SIAH2: variants seen among roughly 807,000 people sequenced by gnomAD.
SIAH2 encodes the protein E3 ubiquitin-protein ligase SIAH2.
In SIAH2, 4 loss-of-function variants were observed where a neutral mutation model predicts 20.4. The ratio of observed to expected loss-of-function variants is 0.20; its 90% CI spans 0.10 to 0.45. The LOEUF (loss-of-function observed/expected upper bound fraction) is 0.45, where lower values mean the gene tolerates loss of function less well. Among genes scored for constraint, SIAH2 ranks in the 20% least tolerant of loss-of-function variants. The pLI is 0.99. For synonymous variants in SIAH2, 171 were observed against 192.5 expected (o/e 0.89, Z 0.93); for missense variants, 259 against 440.3 (o/e 0.59, Z 3.69).
intron 1 of SIAH2, among the ~76,000 whole-genome samples, chr3:150,745,981 C>G (rs1185907192): frequency 1.3e-5 from 2 of 152,158 alleles, no homozygotes; most frequent in Non-Finnish European, 2.9e-5. Context: ...CAGGTGATTT[C>G]AAGGTGGGAC....
Position 150,762,541 on chromosome 3 carries a change from T to C in SIAH2, c.309A>G (p.Gln103=), listed in dbSNP as rs1714643586. Residue 103 remains glutamine, a synonymous_variant, in exon 1 of 2, where the codon CAA becomes CAG. Transcript: ENST00000312960. The surrounding 1 kb of genome is among the most constrained non-coding windows in gnomAD (Gnocchi z 6.6). ...GGCAGCAGCTCAACTTCTGGCGGCA[T>C]TGGTTACACACCAGGTGCCCGGCCT... ...QCQAGHLVCN[Q]CRQKLSCCPT... 5.0e-6 allele frequency: 8 copies of C among 1,613,444 alleles called. No homozygotes were observed. The highest frequency in any genetic ancestry group is 1.1e-5 in the South Asian group (1 of 91,068).
At chr3:150,749,142 AG>A (rs1714293513) in intron 1 of SIAH2, among the ~76,000 whole-genome samples, 1 of 152,176 alleles carries the variant, frequency 6.6e-6, no homozygotes, top group South Asian at 2.1e-4. Flanking sequence ...ATCTGGATAA[AG>A]GCTATAAGGG....
intron 1 of SIAH2, among the ~76,000 whole-genome samples, chr3:150,746,398 AAAACAAAC>A (rs532802162): frequency 5.9e-5 from 9 of 152,228 alleles, no homozygotes; most frequent in South Asian, 2.1e-4. Context: ...TCTGTCTCAA[AAAACAAAC>A]AAACAAACAA....
chr3:150,756,714 T>C (rs1714492587), intron 1 of SIAH2, among the ~76,000 whole-genome samples: 1 of 152,200 alleles, frequency 6.6e-6, no homozygotes, highest in African/African-American at 2.4e-5. Context: ...AGTACTGCCA[T>C]ATAGTATTCT....
intron 1 of SIAH2, among the ~76,000 whole-genome samples, chr3:150,759,008 G>T (rs1322807397): frequency 1.3e-5 from 2 of 151,942 alleles, no homozygotes; most frequent in Non-Finnish European, 2.9e-5. Flanking sequence ...GCCTCCCAAA[G>T]TGCTGGGATT....
At chr3:150,749,991 G>T (rs1714322083) in intron 1 of SIAH2, among the ~76,000 whole-genome samples, 1 of 152,316 alleles carries the variant, frequency 6.6e-6, no homozygotes, top group Non-Finnish European at 1.5e-5. Context: ...CTTTTGGGAG[G>T]TGAACCTGGA....
intron 1 of SIAH2, among the ~76,000 whole-genome samples, chr3:150,759,380 A>G (rs971471982): frequency 6.6e-6 from 1 of 151,922 alleles, no homozygotes; most frequent in Non-Finnish European, 1.5e-5. Flanking sequence ...CCATCTTCCT[A>G]CCCTACATGC....
chr3:150,751,822 G>A (rs1714375540), intron 1 of SIAH2, among the ~76,000 whole-genome samples: 1 of 152,140 alleles, frequency 6.6e-6, no homozygotes, highest in South Asian at 2.1e-4. Context: ...GCCTCTCGAA[G>A]TGTTGGGATT....
intron 1 of SIAH2, among the ~76,000 whole-genome samples, chr3:150,750,593 T>TA (rs1236015593): frequency 6.6e-6 from 1 of 152,188 alleles, no homozygotes; most frequent in African/African-American, 2.4e-5. Flanking sequence ...AATTTTTTTT[T>TA]TTATTGAAAT....
rs386398232 is a variant in SIAH2 at position 150,755,322 on chromosome 3, CTTTTTTT to C, written c.417+7104_417+7110del. ...AATATTTTTCTTTTTCTTTTCTTCCCTTTTTTTTTTTTTTTTTTTTTTTTTTGAGACA... is the reference window on the plus strand; with the variant it reads ...AATATTTTTCTTTTTCTTTTCTTCCCTTTTTTTTTTTTTTTTTTTGAGACA... On this transcript the variant is annotated intron_variant, in intron 1 of 1. Coordinates refer to ENST00000312960, the MANE Select transcript of SIAH2 (RefSeq NM_005067.7). Among the ~76,000 whole-genome samples, 294 of 80,182 alleles carry C rather than the reference CTTTTTTT, an allele frequency of 3.7e-3. 1 individual carries two copies. Among genetic ancestry groups the C allele is most frequent in the African/African-American group, 0.014 (271 of 19,228 alleles). 52.6% of individuals were successfully genotyped at this position (80,182 alleles called of 152,430 possible).
At chr3:150,755,782 T>C (rs1360330738) in intron 1 of SIAH2, among the ~76,000 whole-genome samples, 1 of 152,008 alleles carries the variant, frequency 6.6e-6, no homozygotes, top group Non-Finnish European at 1.5e-5. Flanking sequence ...CTCCCAAGTG[T>C]TGGGATTACA....
chr3:150,752,960 T>C (rs1351463061), intron 1 of SIAH2, among the ~76,000 whole-genome samples: 1 of 152,208 alleles, frequency 6.6e-6, no homozygotes, highest in African/African-American at 2.4e-5. Flanking sequence ...TGCACGAGCA[T>C]GGGTGCCTAG....
intron 1 of SIAH2, among the ~76,000 whole-genome samples, chr3:150,761,465 A>C (rs886149743): frequency 2.0e-5 from 3 of 152,254 alleles, no homozygotes; most frequent in Admixed American, 2.0e-4. Context: ...ATATGAATTT[A>C]AGAACAGCAA....
Position 150,762,447 on chromosome 3 carries a change from G to T in SIAH2, c.403C>A (p.Leu135Met). The T allele has an allele frequency of 6.2e-7, 1 of 1,612,654 alleles. No homozygotes were observed. The highest frequency in any genetic ancestry group is 2.2e-5 in the East Asian group (1 of 44,796). Residue 135 changes from leucine (L) to methionine (M), a missense_variant, in exon 1 of 2, where the codon CTG becomes ATG. Transcript: ENST00000312960. This position sits in a 1 kb window ranked among gnomAD's most constrained non-coding sequence, Gnocchi z 6.6. ...CCTGGGCTTACCTTACAGGGAAACA[G>T]GACTGCCGAGGCCACCTTCTCCATA... ...LAMEKVASAV[L>M]FPCKYATTGC...
At chr3:150,760,101 G>A (rs1437314187) in intron 1 of SIAH2, among the ~76,000 whole-genome samples, 1 of 152,154 alleles carries the variant, frequency 6.6e-6, no homozygotes, top group Non-Finnish European at 1.5e-5. Context: ...GCTCTCTGTT[G>A]TTTCTCATCC....
rs193030020 is a variant in SIAH2, at chr3:150,745,556, C to T, written c.418-2858G>A. 2.5e-3 allele frequency among the ~76,000 whole-genome samples: 386 copies of T among 151,392 alleles called. 2 individuals are homozygous for T. The highest frequency in any genetic ancestry group is 9.1e-3 in the African/African-American group (374 of 41,168). ...TGTCACCCAAGCTGGAGTGCAGTGG[C>T]GCGATCTCGGTTCACTGCAAGCTCC... On this transcript the variant is annotated intron_variant, in intron 1 of 1. Coordinates refer to ENST00000312960, the MANE Select transcript of SIAH2 (RefSeq NM_005067.7).
intron 1 of SIAH2, among the ~76,000 whole-genome samples, chr3:150,743,666 ATTCCTAATG>A (rs752030062): frequency 7.5e-4 from 114 of 152,306 alleles, no homozygotes; most frequent in Non-Finnish European, 1.2e-3. Flanking sequence ...TTGGGATGAC[ATTCCTAATG>A]GATAAATCAT....
intron 1 of SIAH2, among the ~76,000 whole-genome samples, chr3:150,759,290 C>T (rs890194566): frequency 1.3e-5 from 2 of 152,162 alleles, no homozygotes; most frequent in Non-Finnish European, 2.9e-5. Flanking sequence ...GCAATACATC[C>T]ATTTTTTTGC....
intron 1 of SIAH2, among the ~76,000 whole-genome samples, chr3:150,746,053 G>C (rs1258117868): frequency 6.6e-6 from 1 of 152,168 alleles, no homozygotes; most frequent in African/African-American, 2.4e-5. Flanking sequence ...GGATGGAGTT[G>C]TTCCATCTGG....
Sources: gnomAD v4.1 joint callset for allele counts (sites outside exome capture counted in the v4.1 genomes callset) on GRCh38, gnomAD v4.1.1 for gene constraint, Gnocchi (gnomAD v3.1) non-coding constraint, MANE v1.5 for transcripts, NCBI Gene and HGNC (gene_info 2026-07-23, HGNC 2026-07-21) for gene names.